The following MVB12B variants were observed in gnomAD, a reference collection of about 807,000 sequenced individuals.
The protein encoded by MVB12B is ESCRT-I complex subunit MVB12B.
In MVB12B, 16 loss-of-function variants were observed where a neutral mutation model predicts 41.6. The observed-to-expected ratio is 0.38, with a 90% CI of 0.26 to 0.58. The LOEUF (loss-of-function observed/expected upper bound fraction) is 0.58. MVB12B is among the 20% of genes least tolerant of loss of function. The probability of loss-of-function intolerance (pLI) is 0.62; values close to 1 mark genes in which losing one functional copy is unlikely to be tolerated. For synonymous variants in MVB12B, 133 were observed against 139.7 expected (o/e 0.95, Z 0.34); for missense variants, 274 against 380.2 (o/e 0.72, Z 2.32).
chr9:126,393,922 G>T (rs1831030431), intron 5 of MVB12B, among the ~76,000 whole-genome samples: 1 of 152,228 alleles, frequency 6.6e-6, no homozygotes, highest in South Asian at 2.1e-4. Flanking sequence ...CTTTGTATCA[G>T]CCAGGGCCTT....
chr9:126,431,376 C>T (rs889805711), intron 7 of MVB12B, among the ~76,000 whole-genome samples: 3 of 152,164 alleles, frequency 2.0e-5, no homozygotes, highest in Non-Finnish European at 2.9e-5. Flanking sequence ...TGCTTGGCAG[C>T]GTGAGGCTGC....
chr9:126,355,837 G>A (rs1264252834), intron 2 of MVB12B, among the ~76,000 whole-genome samples: 1 of 152,114 alleles, frequency 6.6e-6, no homozygotes, highest in Admixed American at 6.5e-5. Context: ...CAATTTAGTG[G>A]CATTTAGTAC....
In MVB12B at chr9:126,391,085, C is replaced by G. The variant is rs1275275299; in HGVS notation, c.410-981C>G. Reference sequence around the variant, plus strand: ...TGCTCAGAGGATGGCAGTTGGGGAACTGTGTGACCGAGGTCCTGGGCCGAC... The same window carrying G: ...TGCTCAGAGGATGGCAGTTGGGGAAGTGTGTGACCGAGGTCCTGGGCCGAC... On this transcript the variant is annotated intron_variant, in intron 4 of 9. Transcript: ENST00000361171. The surrounding 1 kb of genome is among the most constrained non-coding windows in gnomAD (Gnocchi z 4.4). Among the ~76,000 whole-genome samples the G allele has an allele frequency of 6.6e-6, 1 of 152,170 alleles. No homozygotes were observed. Among genetic ancestry groups the G allele is most frequent in the Non-Finnish European group, 1.5e-5 (1 of 68,034 alleles).
intron 6 of MVB12B, among the ~76,000 whole-genome samples, chr9:126,420,845 C>T (rs1006745488): frequency 4.6e-5 from 7 of 152,048 alleles, no homozygotes; most frequent in African/African-American, 1.7e-4. Context: ...GCCCGGCCCT[C>T]CCAGGAGTGT....
intron 2 of MVB12B, among the ~76,000 whole-genome samples, chr9:126,355,479 C>T (rs1191543353): frequency 6.6e-6 from 1 of 152,242 alleles, no homozygotes; most frequent in African/African-American, 2.4e-5. Flanking sequence ...ATGCCCTTAA[C>T]ATTCAACGCT....
intron 7 of MVB12B, among the ~76,000 whole-genome samples, chr9:126,470,646 CTGTG>C (rs143928729): frequency 3.5e-5 from 5 of 143,512 alleles, no homozygotes; most frequent in East Asian, 2.0e-4. Flanking sequence ...AGTCAGTGCT[CTGTG>C]TGTGTGTGTG....
At chr9:126,335,540 T>A in intron 1 of MVB12B, 5 of 511,448 alleles carry the variant, frequency 9.8e-6, no homozygotes, top group African/African-American at 2.0e-5. Flanking sequence ...TTGCTTGCGA[T>A]TTGCCAGCAG....
At chr9:126,443,044 C>T (rs970476086) in intron 7 of MVB12B, among the ~76,000 whole-genome samples, 4 of 152,126 alleles carry the variant, frequency 2.6e-5, no homozygotes, top group African/African-American at 7.2e-5. Flanking sequence ...CACTGGTGGC[C>T]GATAATGTCT....
chr9:126,418,346 T>C (rs1831887943), intron 6 of MVB12B, among the ~76,000 whole-genome samples: 1 of 152,194 alleles, frequency 6.6e-6, no homozygotes, highest in Admixed American at 6.5e-5. Context: ...TCTCTGTTGT[T>C]CATATACTTT....
At chr9:126,479,862 C>T (rs922938417) in intron 7 of MVB12B, among the ~76,000 whole-genome samples, 5 of 152,214 alleles carry the variant, frequency 3.3e-5, no homozygotes, top group Non-Finnish European at 5.9e-5. Flanking sequence ...TGTTTTATCC[C>T]TGTATGAACG....
rs568227715 is a variant in MVB12B, at chr9:126,390,167, T to C, written c.410-1899T>C. Among the ~76,000 whole-genome samples the C allele has an allele frequency of 5.9e-5, 9 of 152,322 alleles. No individual in the cohort carries two copies. In the East Asian group the frequency reaches 1.7e-3, roughly 29 times the overall value. On this transcript the variant is annotated intron_variant, in intron 4 of 9. Transcript: ENST00000361171. The stretch of plus-strand genomic sequence containing the variant: ...ACCCAATACCAAGCACAGGCATAAA[T>C]TACATGCTAGAGGCTTACTTGTCAA...
At chr9:126,484,146 C>A in intron 9 of MVB12B, 114 bp downstream of exon 9, 1 of 947,014 alleles carries the variant, frequency 1.1e-6, no homozygotes, top group Non-Finnish European at 1.6e-6. Flanking sequence ...TGGAGGTGTT[C>A]CGTTCTCTTC....
chr9:126,361,911 A>G lies in MVB12B; in HGVS notation c.205-19153A>G, dbSNP rs914849550. Among the ~76,000 whole-genome samples, 125 of 126,992 alleles carry G rather than the reference A, an allele frequency of 9.8e-4. 2 individuals carry two copies. Among genetic ancestry groups the G allele is most frequent in the Admixed American group, 7.3e-3 (87 of 11,938 alleles). 83.3% of individuals were successfully genotyped at this position (126,992 alleles called of 152,430 possible). ...CCTGAGCAACAGAGTGAAACTCTGG[A>G]AAAAAAAAAAAAAAAAAAAAGATGT... On this transcript the variant is annotated intron_variant, in intron 2 of 9. Transcript: ENST00000361171.
chr9:126,344,346 G>T (rs905997997), intron 2 of MVB12B, among the ~76,000 whole-genome samples: 5 of 152,226 alleles, frequency 3.3e-5, no homozygotes, highest in Admixed American at 3.3e-4. Context: ...TAGCTTTCCA[G>T]ATAATTCTGA....
At chr9:126,354,593 A>C (rs947006306) in intron 2 of MVB12B, among the ~76,000 whole-genome samples, 2 of 152,254 alleles carry the variant, frequency 1.3e-5, no homozygotes, top group African/African-American at 4.8e-5. Context: ...TAATGAGACA[A>C]TTAGATGTCA....
intron 7 of MVB12B, among the ~76,000 whole-genome samples, chr9:126,454,858 TAAC>T (rs1215046091): frequency 6.6e-6 from 1 of 151,950 alleles, no homozygotes; most frequent in African/African-American, 2.4e-5. Flanking sequence ...TGACACATGG[TAAC>T]AACACACCAC....
At chr9:126,474,976 G>A (rs1365409342) in intron 7 of MVB12B, among the ~76,000 whole-genome samples, 5 of 152,306 alleles carry the variant, frequency 3.3e-5, no homozygotes, top group South Asian at 2.1e-4. Flanking sequence ...CCAGGACTGC[G>A]GCACTGTAAC....
At chr9:126,357,660 T>G (rs1829918383) in intron 2 of MVB12B, among the ~76,000 whole-genome samples, 1 of 152,198 alleles carries the variant, frequency 6.6e-6, no homozygotes, top group Non-Finnish European at 1.5e-5. Context: ...GTTCAAATTT[T>G]TTACCTGCTT....
intron 2 of MVB12B, among the ~76,000 whole-genome samples, chr9:126,370,308 T>G (rs1405149939): frequency 6.6e-6 from 1 of 152,112 alleles, no homozygotes; most frequent in Non-Finnish European, 1.5e-5. Context: ...GGTCAGTGAT[T>G]TGCTGTGAAT....
Sources: allele counts gnomAD v4.1 joint callset (sites outside exome capture counted in the v4.1 genomes callset), GRCh38; gene constraint gnomAD v4.1.1; non-coding constraint Gnocchi (gnomAD v3.1); transcripts MANE v1.5; gene names NCBI Gene and HGNC (gene_info 2026-07-23, HGNC 2026-07-21).